Variants in MYH10 observed in about 807,000 individuals in gnomAD.
MYH10 encodes the protein myosin-10.
MYH10 carries 55 observed loss-of-function variants against 257.8 expected under a neutral mutation model. The observed-to-expected ratio is 0.21, with a 90% confidence interval of 0.17 to 0.27. The LOEUF (loss-of-function observed/expected upper bound fraction) is 0.27, where lower values mean the gene tolerates loss of function less well. Ranked by LOEUF, MYH10 falls within the 10% of genes least tolerant of loss-of-function variation. MYH10 has a pLI of 1.00. For missense variants in MYH10, 1,631 were observed against 2,500.6 expected (o/e 0.65, Z 7.42); for synonymous variants, 854 against 921.7 (o/e 0.93, Z 1.33).
intron 7 of MYH10, among the ~76,000 whole-genome samples, chr17:8,564,259 G>T (rs1016997601): frequency 2.6e-5 from 4 of 152,172 alleles, no homozygotes; most frequent in African/African-American, 4.8e-5. Flanking sequence ...TCAGATCAAA[G>T]AAATGGAACC....
chr17:8,514,437 C>T (rs2081398448), intron 21 of MYH10, among the ~76,000 whole-genome samples: 2 of 152,118 alleles, frequency 1.3e-5, no homozygotes, highest in Admixed American at 6.5e-5. Flanking sequence ...TACGGCCCGG[C>T]CTCCTCCAGG....
chr17:8,486,181 A>AG (rs1224341644), intron 36 of MYH10, among the ~76,000 whole-genome samples: 1 of 152,200 alleles, frequency 6.6e-6, no homozygotes, highest in African/African-American at 2.4e-5. Context: ...GCAGGGATAC[A>AG]GGGAATGGGG....
rs149420712 is a variant in MYH10, at chr17:8,552,485, T to C, written c.821-341A>G. Among the ~76,000 whole-genome samples the C allele has an allele frequency of 8.5e-5, 13 of 152,296 alleles. No individual in the cohort carries two copies. The East Asian group carries it at 2.1e-3, about 25-fold the overall frequency. On this transcript the variant is annotated intron_variant, in intron 8 of 42. Transcript: ENST00000360416. The surrounding 1 kb of genome is among the most constrained non-coding windows in gnomAD (Gnocchi z 4.8). ...CTATACGAGGAACTGTAAGAAGCTA[T>C]TGAAAATGAAGTACAGTTGTTTAAG...
chr17:8,562,518 T>C (rs1243714960), intron 7 of MYH10, among the ~76,000 whole-genome samples: 2 of 152,358 alleles, frequency 1.3e-5, no homozygotes, highest in East Asian at 3.9e-4. Flanking sequence ...TTAAACATTA[T>C]GTGAAGAAAT....
intron 1 of MYH10, among the ~76,000 whole-genome samples, chr17:8,628,461 T>G (rs2085765684): frequency 6.6e-6 from 1 of 152,184 alleles, no homozygotes. Flanking sequence ...ATGAACGGCC[T>G]GCACATAGAA....
intron 7 of MYH10, among the ~76,000 whole-genome samples, chr17:8,559,397 C>T (rs1302033232): frequency 8.5e-6 from 1 of 117,782 alleles, no homozygotes; most frequent in Non-Finnish European, 1.8e-5. Flanking sequence ...AAAGACAATG[C>T]AATATTTGGG....
At chr17:8,517,002 G>T (rs1260491449) in intron 21 of MYH10, among the ~76,000 whole-genome samples, 1 of 151,948 alleles carries the variant, frequency 6.6e-6, no homozygotes. Flanking sequence ...TTAGCCGGGT[G>T]TGGTGGCGGG....
intron 16 of MYH10, among the ~76,000 whole-genome samples, chr17:8,534,332 C>T (rs2151930951): frequency 6.6e-6 from 1 of 152,322 alleles, no homozygotes; most frequent in South Asian, 2.1e-4. Flanking sequence ...TGCTATGTCT[C>T]AGGCCCACAG....
chr17:8,500,775 T>G (rs748855743), intron 29 of MYH10, 51 bp downstream of exon 29: 1 of 1,590,816 alleles, frequency 6.3e-7, no homozygotes, highest in Admixed American at 1.8e-5. Context: ...TGGGAGTGGC[T>G]CTGACGACAG....
chr17:8,578,686 C>T (rs1036327032), intron 4 of MYH10, among the ~76,000 whole-genome samples: 1 of 152,144 alleles, frequency 6.6e-6, no homozygotes, highest in Non-Finnish European at 1.5e-5. Flanking sequence ...CTACTCACTA[C>T]TAGGCTTGAA....
chr17:8,511,067 T>C (rs1318021171), intron 24 of MYH10: 18 of 51,556 alleles, frequency 3.5e-4, no homozygotes, highest in African/African-American at 1.7e-3. Context: ...TATACACACA[T>C]ACATACATAC....
intron 4 of MYH10, among the ~76,000 whole-genome samples, chr17:8,583,500 T>G (rs917128960): frequency 6.6e-6 from 1 of 152,126 alleles, no homozygotes; most frequent in Non-Finnish European, 1.5e-5. Flanking sequence ...AAATAGTTAT[T>G]CTCATATGGC....
intron 30 of MYH10, among the ~76,000 whole-genome samples, chr17:8,497,808 TCATGACTTTTTTGGGTTATTTCCTAAAAA>T (rs1480570843): frequency 6.7e-6 from 1 of 150,242 alleles, no homozygotes. Context: ...CATGTACAGT[TCATGACTTTTTTGGGTTATTTCCTAAAAA>T]CATGACTTTT....
At chr17:8,534,093 G>A (rs2082077540) in intron 16 of MYH10, among the ~76,000 whole-genome samples, 1 of 152,076 alleles carries the variant, frequency 6.6e-6, no homozygotes, top group Non-Finnish European at 1.5e-5. Flanking sequence ...TCTTAACACT[G>A]CCTGTTGACA....
chr17:8,616,779 A>T (rs529259729), intron 2 of MYH10, among the ~76,000 whole-genome samples: 40 of 152,298 alleles, frequency 2.6e-4, no homozygotes, highest in South Asian at 1.7e-3. Context: ...TGACAAGCAG[A>T]TTCTAAAATT....
chr17:8,496,303 T>G (rs943705994), intron 30 of MYH10, among the ~76,000 whole-genome samples: 1 of 152,232 alleles, frequency 6.6e-6, no homozygotes. Context: ...GCAGAGCACA[T>G]GCTGTAACGC....
At chr17:8,478,265 A>C in intron 41 of MYH10, 73 bp downstream of exon 41, 1 of 1,287,944 alleles carries the variant, frequency 7.8e-7, no homozygotes, top group Non-Finnish European at 1.1e-6. Context: ...TCCACTGGTC[A>C]GTTGTGCCAC....
rs143066698 is a variant in MYH10 at position 8,509,590 on chromosome 17, G to A, written c.3090+222C>T. Among the ~76,000 whole-genome samples, 1,080 of 152,260 alleles carry A rather than the reference G, an allele frequency of 7.1e-3. 18 individuals carry two copies. The highest frequency in any genetic ancestry group is 0.024 in the African/African-American group (976 of 41,524). ...TATGCACAAACTGCACATGTTACAA[G>A]TCTAAAAGATTATCAGGATATTTGA... is the stretch of plus-strand genomic sequence containing the variant. On this transcript the variant is annotated intron_variant, in intron 25 of 42. Transcript: ENST00000360416.
intron 34 of MYH10, 102 bp downstream of exon 34, chr17:8,492,195 G>C: frequency 8.5e-7 from 1 of 1,171,484 alleles, no homozygotes; most frequent in South Asian, 1.4e-5. Flanking sequence ...TGCATTCCCA[G>C]GTCCTTCAGG....
Sources: gnomAD v4.1 joint callset for allele counts (sites outside exome capture counted in the v4.1 genomes callset) on GRCh38, gnomAD v4.1.1 for gene constraint, Gnocchi (gnomAD v3.1) non-coding constraint, MANE v1.5 for transcripts, NCBI Gene and HGNC (gene_info 2026-07-23, HGNC 2026-07-21) for gene names.